The following GP6 variants were observed in gnomAD, a reference collection of about 807,000 sequenced individuals.
GP6 encodes the protein glycoprotein VI platelet.
A neutral mutation model predicts 37.3 loss-of-function variants in GP6; 45 were observed. The observed-to-expected ratio is 1.21, with a 90% confidence interval of 0.95 to 1.55. The LOEUF is 1.55. GP6 is among the 40% of genes most tolerant of loss of function. The pLI, the probability that GP6 is intolerant of heterozygous loss-of-function variation, is 0.00. For missense variants in GP6, 813 were observed against 760.2 expected (o/e 1.07, Z -0.82); for synonymous variants, 340 against 316.4 (o/e 1.07, Z -0.79).
intron 1 of GP6, among the ~76,000 whole-genome samples, chr19:55,037,974 A>G (rs1415040712): frequency 6.6e-6 from 1 of 152,066 alleles, no homozygotes; most frequent in African/African-American, 2.4e-5. Flanking sequence ...GTTGTGACCA[A>G]TGCTAGGATA....
At position 55,015,856 on chromosome 19, in the gene GP6, G is replaced by A. The variant is rs2146702626; in HGVS notation, c.725-123C>T. 3 of 719,726 alleles carry A rather than the reference G, an allele frequency of 4.2e-6. No individual in the cohort carries two copies. The South Asian group carries it at 4.4e-5, about 11-fold the overall frequency. 44.6% of individuals were successfully genotyped at this position (719,726 alleles called of 1,614,324 possible). A position where few individuals can be genotyped will look rare whatever the true frequency, so the allele number is the denominator to read the frequency against. On this transcript the variant is annotated intron_variant, in intron 6 of 7. Transcript: ENST00000310373. ...TTCCACAGCATTTAAGAAAAGCATG[G>A]GCCGGGCACGGTGCCTCATGCCTAT...
At chr19:55,027,993 AC>A in intron 3 of GP6, 131 bp from the exon 4 acceptor site, 1 of 860,522 alleles carries the variant, frequency 1.2e-6, no homozygotes, top group South Asian at 1.3e-5. Context: ...GCACTCCCCC[AC>A]CCAAGCTCAC....
chr19:55,030,628 C>T (rs1974315414), intron 3 of GP6, among the ~76,000 whole-genome samples: 2 of 151,812 alleles, frequency 1.3e-5, no homozygotes, highest in South Asian at 2.1e-4. Context: ...CAGGCGTGAG[C>T]CGCCGCGCCC....
Position 55,032,195 on chromosome 19 carries a change from T to G in GP6, c.269A>C (p.Tyr90Ser). The change falls in exon 3 of 8, where the codon TAC (tyrosine) becomes TCC (serine). Residue 90 changes from tyrosine (Y) to serine (S), a missense_variant. Tyr to Ser is a moderately radical substitution (Grantham distance 144, BLOSUM62 -2). Coordinates refer to ENST00000310373, the MANE Select transcript of GP6 (RefSeq NM_001083899.2). ...CAGGGACCAGAGGCTTCCGTTCTGG[T>G]AGGAGCAGCGGTAGCGTCCAGCCAG... 6.2e-7 allele frequency: 1 copy of G among 1,613,956 alleles called. No homozygotes were observed. Among genetic ancestry groups the G allele is most frequent in the African/African-American group, 1.3e-5 (1 of 75,036 alleles).
At chr19:55,022,074 A>G (rs1213396570) in intron 5 of GP6, among the ~76,000 whole-genome samples, 1 of 152,062 alleles carries the variant, frequency 6.6e-6, no homozygotes, top group Non-Finnish European at 1.5e-5. Flanking sequence ...ATAGATTGCA[A>G]ACATTTTCTC....
intron 1 of GP6, among the ~76,000 whole-genome samples, chr19:55,033,882 C>T (rs116404639): frequency 1.3e-5 from 2 of 152,068 alleles, no homozygotes; most frequent in African/African-American, 2.4e-5. Flanking sequence ...ACAACATTTG[C>T]TTGAATCAGT....
At position 55,027,969 on chromosome 19, in the gene GP6, C is replaced by G. The variant is rs1009458965; in HGVS notation, c.326-107G>C. 235 of 1,138,078 alleles carry G rather than the reference C, an allele frequency of 2.1e-4. 1 individual carries two copies. The highest frequency in any genetic ancestry group is 9.8e-4 in the Admixed American group (58 of 58,962). 70.5% of individuals were successfully genotyped at this position (1,138,078 alleles called of 1,614,324 possible). ...GAGCTGGGGAGCTTTTTGGCTGTAT[C>G]CCTCCCAGAGAGCGCACTCCCCCAC... On this transcript the variant is annotated intron_variant, in intron 3 of 7. Transcript: ENST00000310373.
chr19:55,015,486 C>G lies in GP6; in HGVS notation c.779+193G>C, dbSNP rs1416451295. On this transcript the variant is annotated intron_variant, in intron 7 of 7. Transcript: ENST00000310373. The stretch of plus-strand genomic sequence containing the variant: ...GGGAAGAGATGGAATCTCTCTTTCT[C>G]TGACCCTTTTTAAAATCTCAACCTT... Among the ~76,000 whole-genome samples the G allele has an allele frequency of 2.6e-5, 4 of 152,316 alleles. No individual in the cohort carries two copies. In the East Asian group the frequency reaches 7.7e-4, roughly 29 times the overall value.
chr19:55,035,583 G>T (rs1404646899), intron 1 of GP6, among the ~76,000 whole-genome samples: 2 of 152,086 alleles, frequency 1.3e-5, no homozygotes, highest in African/African-American at 4.8e-5. Flanking sequence ...GGGGCGTAGT[G>T]GCAGGAGCCT....
chr19:55,019,572 AATAAG>A (rs1236155674), intron 5 of GP6, among the ~76,000 whole-genome samples: 2 of 152,162 alleles, frequency 1.3e-5, no homozygotes, highest in African/African-American at 2.4e-5. Flanking sequence ...CAGTTTGAAT[AATAAG>A]ATGTGGATCC....
intron 1 of GP6, among the ~76,000 whole-genome samples, chr19:55,037,092 C>A (rs1161445942): frequency 1.3e-5 from 2 of 152,176 alleles, no homozygotes; most frequent in East Asian, 3.8e-4. Flanking sequence ...TCACAGTTAA[C>A]CCTCTCATCT....
At chr19:55,034,149 C>CATGT (rs2074728506) in intron 1 of GP6, among the ~76,000 whole-genome samples, 3 of 71,942 alleles carry the variant, frequency 4.2e-5, no homozygotes, top group Non-Finnish European at 8.6e-5. Context: ...TATATGTATG[C>CATGT]ATGTGTGTGT....
rs778225188 is a variant in GP6 at position 55,014,854 on chromosome 19, C to A, written c.1091G>T (p.Trp364Leu). ...TCCTGCTTCCACGCTCCACACACGC[C>A]AGTCTTTGAGTCGCCTCCCATGCCA... The change falls in exon 8 of 8, where the codon TGG becomes TTG. Residue 364 changes from tryptophan to leucine, a missense_variant. By Grantham distance (61) the Trp-to-Leu change is moderately conservative (BLOSUM62 -2). Transcript: ENST00000310373. 6.2e-7 allele frequency: 1 copy of A among 1,613,984 alleles called. No homozygotes were observed. The highest frequency in any genetic ancestry group is 2.2e-5 in the East Asian group (1 of 44,904).
chr19:55,027,604 C>G lies in GP6; in HGVS notation c.584G>C (p.Ser195Thr). Residue 195 changes from serine to threonine, a missense_variant, in exon 4 of 8, where the codon AGC becomes ACC. Transcript: ENST00000310373. ...TGTGACCACAAGCTCCAGGGGGTCG[C>G]TGGGGGCTGACCACAGGTATGGGTC... 2 of 1,613,552 alleles carry G rather than the reference C, an allele frequency of 1.2e-6. No individual in the cohort carries two copies. Among genetic ancestry groups the G allele is most frequent in the African/African-American group, 1.3e-5 (1 of 75,058 alleles).
intron 6 of GP6, 120 bp downstream of exon 6, chr19:55,018,530 CTT>C (rs776112522): frequency 5.7e-5 from 45 of 786,616 alleles, no homozygotes; most frequent in Admixed American, 1.7e-4. Flanking sequence ...ACACCAAGGA[CTT>C]TCTTGGTAAG....
intron 5 of GP6, among the ~76,000 whole-genome samples, chr19:55,022,177 CT>C (rs2074111147): frequency 6.6e-6 from 1 of 152,122 alleles, no homozygotes; most frequent in Admixed American, 6.6e-5. Context: ...TCAGTTTTTG[CT>C]TTTGTTACAA....
Position 55,025,149 on chromosome 19 carries a change from G to T in GP6, c.664+69C>A, listed in dbSNP as rs2146795040. 3.7e-6 allele frequency: 3 copies of T among 811,910 alleles called. 1 individual carries two copies. The South Asian group carries it at 4.3e-5, about 12-fold the overall frequency. The allele number at this position is 811,910 out of a possible 1,614,324, so 50.3% of individuals were successfully genotyped here. ...TGAATTAAATCGAGAAGTCTAGGCAGAGAGGAGAGAGAGAAGGGGTCCGTG... is the reference window on the plus strand; with the variant it reads ...TGAATTAAATCGAGAAGTCTAGGCATAGAGGAGAGAGAGAAGGGGTCCGTG... On this transcript the variant is annotated intron_variant, in intron 5 of 7. Transcript: ENST00000310373.
chr19:55,031,268 A>G (rs546685909), intron 3 of GP6, among the ~76,000 whole-genome samples: 80 of 152,226 alleles, frequency 5.3e-4, no homozygotes, highest in Non-Finnish European at 8.5e-4. Flanking sequence ...ACTCCAAAAC[A>G]AAGTTTTAAA....
intron 1 of GP6, among the ~76,000 whole-genome samples, chr19:55,034,950 C>T (rs78447136): frequency 2.6e-5 from 4 of 152,186 alleles, no homozygotes; most frequent in African/African-American, 9.6e-5. Context: ...AACGCAAGCT[C>T]CGGCCGCTTC....
Sources: gnomAD v4.1 joint callset for allele counts (sites outside exome capture counted in the v4.1 genomes callset) on GRCh38, gnomAD v4.1.1 for gene constraint, MANE v1.5 for transcripts, NCBI Gene and HGNC (gene_info 2026-07-23, HGNC 2026-07-21) for gene names.